FHIT: variants seen among roughly 807,000 people sequenced by gnomAD.
FHIT encodes the protein bis(5'-adenosyl)-triphosphatase.
FHIT carries 19 observed loss-of-function variants against 17.9 expected under a neutral mutation model. That is an observed-to-expected ratio of 1.06 (90% CI 0.74 to 1.56). The LOEUF (loss-of-function observed/expected upper bound fraction) is 1.56. Ranked by LOEUF, FHIT falls within the 40% of genes most tolerant of loss-of-function variation. FHIT has a pLI of 0.00. For missense variants in FHIT, 248 were observed against 189.2 expected (o/e 1.31, Z -1.82); for synonymous variants, 81 against 69.7 (o/e 1.16, Z -0.81).
At chr3:60,352,279 T>G (rs1279706120) in intron 5 of FHIT, among the ~76,000 whole-genome samples, 2 of 152,160 alleles carry the variant, frequency 1.3e-5, no homozygotes, top group Non-Finnish European at 2.9e-5. Context: ...ACTCAGTCTG[T>G]CAGTGGTGAG....
intron 4 of FHIT, among the ~76,000 whole-genome samples, chr3:60,552,085 C>T (rs780145823): frequency 2.6e-5 from 4 of 152,002 alleles, no homozygotes; most frequent in Admixed American, 6.6e-5. Flanking sequence ...TGGAGTCATA[C>T]GATATATAGC....
At chr3:60,494,519 T>G (rs2121864) in intron 5 of FHIT, among the ~76,000 whole-genome samples, 1 of 151,976 alleles carries the variant, frequency 6.6e-6, no homozygotes, top group African/African-American at 2.4e-5. Context: ...TAAATCATTA[T>G]TGACTACAGT....
intron 1 of FHIT, among the ~76,000 whole-genome samples, chr3:61,214,222 G>C (rs572394402): frequency 3.4e-4 from 52 of 151,928 alleles, no homozygotes; most frequent in South Asian, 1.3e-3. Context: ...CCAGGAGCTG[G>C]TTTTTTGAAA....
At chr3:60,420,572 T>C (rs1204281499) in intron 5 of FHIT, among the ~76,000 whole-genome samples, 1 of 152,174 alleles carries the variant, frequency 6.6e-6, no homozygotes, top group Non-Finnish European at 1.5e-5. Flanking sequence ...TATTAAGTTG[T>C]GCCTACATCC....
intron 4 of FHIT, among the ~76,000 whole-genome samples, chr3:60,598,353 A>T (rs577508143): frequency 1.3e-5 from 2 of 152,334 alleles, no homozygotes; most frequent in South Asian, 2.1e-4. Context: ...AATTATTAAT[A>T]AACTTACCAT....
chr3:60,700,923 A>G (rs1164243523), intron 4 of FHIT, among the ~76,000 whole-genome samples: 1 of 152,128 alleles, frequency 6.6e-6, no homozygotes, highest in East Asian at 1.9e-4. Flanking sequence ...ATATAACTGT[A>G]TGTCATCAGT....
At chr3:60,327,439 A>G (rs1382446308) in intron 5 of FHIT, among the ~76,000 whole-genome samples, 2 of 152,228 alleles carry the variant, frequency 1.3e-5, no homozygotes, top group Non-Finnish European at 1.5e-5. Flanking sequence ...AAACAGCCAT[A>G]GCCAATAAAT....
At chr3:60,648,066 C>CAA (rs1209154406) in intron 4 of FHIT, among the ~76,000 whole-genome samples, 7 of 152,124 alleles carry the variant, frequency 4.6e-5, no homozygotes, top group African/African-American at 1.7e-4. Context: ...CCTAAGCCTT[C>CAA]AAGCTTAGGA....
chr3:60,339,176 T>C (rs768780940), intron 5 of FHIT, among the ~76,000 whole-genome samples: 13 of 152,204 alleles, frequency 8.5e-5, no homozygotes, highest in Non-Finnish European at 1.3e-4. Flanking sequence ...TGATTTTTGC[T>C]CTTTGATCTT....
chr3:60,519,255 G>A (rs1263280244), intron 5 of FHIT, among the ~76,000 whole-genome samples: 1 of 152,092 alleles, frequency 6.6e-6, no homozygotes, highest in Non-Finnish European at 1.5e-5. Context: ...TTAAAAATGG[G>A]TTACACTTGA....
intron 4 of FHIT, among the ~76,000 whole-genome samples, chr3:60,613,635 C>G (rs1048990025): frequency 6.6e-6 from 1 of 152,080 alleles, no homozygotes; most frequent in Non-Finnish European, 1.5e-5. Flanking sequence ...ATCTTTCTCT[C>G]CCTACTTCCT....
At chr3:60,124,039 GAGAGAGAGAGAGAGAGAC>G (rs796169989) in intron 5 of FHIT, among the ~76,000 whole-genome samples, 109 of 113,792 alleles carry the variant, frequency 9.6e-4, no homozygotes, top group Non-Finnish European at 1.2e-3. Context: ...GAGAGAGAGA[GAGAGAGAGAGAGAGAGAC>G]AGAGAGAGAG....
At chr3:60,306,319 C>G (rs1267890000) in intron 5 of FHIT, among the ~76,000 whole-genome samples, 2 of 152,130 alleles carry the variant, frequency 1.3e-5, no homozygotes, top group Non-Finnish European at 2.9e-5. Flanking sequence ...GTCAATACAT[C>G]CCGCATTATT....
chr3:60,455,693 ATAAC>A (rs1183601397), intron 5 of FHIT, among the ~76,000 whole-genome samples: 1 of 152,128 alleles, frequency 6.6e-6, no homozygotes, highest in Non-Finnish European at 1.5e-5. Context: ...ACATGGGAAA[ATAAC>A]TAAAACAAAT....
At chr3:60,551,818 G>A (rs755205779) in intron 4 of FHIT, among the ~76,000 whole-genome samples, 16 of 151,202 alleles carry the variant, frequency 1.1e-4, no homozygotes, top group Non-Finnish European at 2.2e-4. Context: ...TTATTTTTCT[G>A]TTAAGACTTT....
intron 2 of FHIT, among the ~76,000 whole-genome samples, chr3:61,084,486 C>T (rs900120475): frequency 1.3e-5 from 2 of 152,134 alleles, no homozygotes; most frequent in Non-Finnish European, 1.5e-5. Flanking sequence ...GACCTCTTGA[C>T]CCTATTGAGT....
chr3:60,690,716 C>T (rs533082639), intron 4 of FHIT: 1 of 431,372 alleles, frequency 2.3e-6, no homozygotes, highest in Non-Finnish European at 4.6e-6. Context: ...GTGGGGTTGA[C>T]CATAGCTGGT....
At chr3:60,385,530 T>C (rs776454108) in intron 5 of FHIT, among the ~76,000 whole-genome samples, 1 of 152,234 alleles carries the variant, frequency 6.6e-6, no homozygotes, top group African/African-American at 2.4e-5. Flanking sequence ...TTATATAAGT[T>C]AGTTATCCTT....
chr3:60,420,594 A>G (rs1702430459), intron 5 of FHIT, among the ~76,000 whole-genome samples: 1 of 152,100 alleles, frequency 6.6e-6, no homozygotes, highest in African/African-American at 2.4e-5. Context: ...AGGGGAAAAA[A>G]ATCTATCTTA....
Sources: allele counts gnomAD v4.1 joint callset (sites outside exome capture counted in the v4.1 genomes callset), GRCh38; gene constraint gnomAD v4.1.1; transcripts MANE v1.5; gene names NCBI Gene and HGNC (gene_info 2026-07-23, HGNC 2026-07-21).